Variants in CCDC149 observed in about 807,000 individuals in gnomAD.
CCDC149 encodes the protein coiled-coil domain-containing protein 149.
Under a neutral mutation model 59.9 loss-of-function variants are expected in CCDC149, and 45 were observed. The ratio of observed to expected loss-of-function variants is 0.75; its 90% CI spans 0.59 to 0.96. The LOEUF (loss-of-function observed/expected upper bound fraction) is 0.96, where lower values mean the gene tolerates loss of function less well. CCDC149 is among the 40% of genes least tolerant of loss of function. The pLI, the probability that CCDC149 is intolerant of heterozygous loss-of-function variation, is 0.00. For synonymous variants in CCDC149, 245 were observed against 260.6 expected (o/e 0.94, Z 0.58); for missense variants, 584 against 664.7 (o/e 0.88, Z 1.33).
At chr4:24,884,286 G>C (rs918409608) in intron 1 of CCDC149, among the ~76,000 whole-genome samples, 16 of 152,174 alleles carry the variant, frequency 1.1e-4, no homozygotes, top group Non-Finnish European at 2.2e-4. Context: ...TGTTACAATT[G>C]CCTAGAGTAT....
chr4:24,934,336 C>G (rs922898823), intron 1 of CCDC149, among the ~76,000 whole-genome samples: 2 of 152,238 alleles, frequency 1.3e-5, no homozygotes, highest in African/African-American at 4.8e-5. Flanking sequence ...CTCCTTCTGT[C>G]TCTTGCCTGC....
In CCDC149 at chr4:24,808,426, G is replaced by T; in HGVS notation, c.1586C>A (p.Pro529Gln). ...GGTGCTCCTCATGCCTCCGCCCTCT[G>T]GGATCCCTTTGCCGTCTTCCGGTGT... Residue 529 changes from proline to glutamine, a missense_variant, in exon 13 of 13, where the codon CCA (proline) becomes CAA (glutamine). Coordinates refer to ENST00000635206, the MANE Select transcript of CCDC149 (RefSeq NM_001330643.2). 1 of 1,459,188 alleles carries T rather than the reference G, an allele frequency of 6.9e-7. No individual in the cohort carries two copies. The allele number at this position is 1,459,188 out of a possible 1,614,324, so 90.4% of individuals were successfully genotyped here.
chr4:24,913,106 G>A (rs1411652996), upstream of CCDC149, among the ~76,000 whole-genome samples: 1 of 150,392 alleles, frequency 6.6e-6, no homozygotes, highest in Non-Finnish European at 1.5e-5. Context: ...GGCCGCAGCC[G>A]AGCCCCGCCG....
At chr4:24,835,721 C>T (rs1290123121) in intron 7 of CCDC149, among the ~76,000 whole-genome samples, 2 of 152,104 alleles carry the variant, frequency 1.3e-5, no homozygotes, top group African/African-American at 2.4e-5. Context: ...GGAAGAACAG[C>T]ACGGAGACTT....
intron 3 of CCDC149, among the ~76,000 whole-genome samples, chr4:24,872,364 G>A (rs537888706): frequency 2.6e-5 from 4 of 152,202 alleles, no homozygotes; most frequent in African/African-American, 4.8e-5. Flanking sequence ...TGCACCCACA[G>A]AATGGCATGC....
At chr4:24,923,331 C>T (rs771255376) in intron 1 of CCDC149, among the ~76,000 whole-genome samples, 23 of 152,162 alleles carry the variant, frequency 1.5e-4, no homozygotes, top group Non-Finnish European at 1.5e-5. Context: ...TGAGTTCCTG[C>T]TATGCCAGGC....
intron 1 of CCDC149, among the ~76,000 whole-genome samples, chr4:24,954,340 C>G (rs1009455677): frequency 3.9e-5 from 6 of 152,200 alleles, no homozygotes; most frequent in Non-Finnish European, 8.8e-5. Context: ...GTTCTGAGGT[C>G]TCAGGGATGG....
rs371892593 is a variant in CCDC149, at chr4:24,848,819, C to T, written c.372+4253G>A. Among the ~76,000 whole-genome samples the T allele has an allele frequency of 7.2e-5, 11 of 152,302 alleles. No individual in the cohort carries two copies. The East Asian group carries it at 1.5e-3, about 21-fold the overall frequency. On this transcript the variant is annotated intron_variant, in intron 4 of 12. Coordinates refer to ENST00000635206, the MANE Select transcript of CCDC149 (RefSeq NM_001330643.2). Reference sequence around the variant, plus strand: ...AATCTGTGCTAGTTTTGCTGCCGCACCTCAAACTACAAAAGCTACAGCCAC... The same window carrying T: ...AATCTGTGCTAGTTTTGCTGCCGCATCTCAAACTACAAAAGCTACAGCCAC...
At chr4:24,852,083 C>T (rs1717694668) in intron 4 of CCDC149, among the ~76,000 whole-genome samples, 1 of 151,596 alleles carries the variant, frequency 6.6e-6, no homozygotes, top group Non-Finnish European at 1.5e-5. Context: ...CAGTATGCAG[C>T]ATCCTCTCTG....
At chr4:24,881,400 C>T (rs1370915691) in intron 1 of CCDC149, among the ~76,000 whole-genome samples, 3 of 152,152 alleles carry the variant, frequency 2.0e-5, no homozygotes, top group Non-Finnish European at 4.4e-5. Context: ...GTGAGAATTG[C>T]TGGGCTTTCT....
chr4:24,878,170 A>G (rs1377501527), intron 1 of CCDC149, among the ~76,000 whole-genome samples: 1 of 151,582 alleles, frequency 6.6e-6, no homozygotes, highest in Admixed American at 6.6e-5. Flanking sequence ...CAAATAAATG[A>G]AAGGGAGAAA....
intron 4 of CCDC149, among the ~76,000 whole-genome samples, chr4:24,844,771 C>CAAAAT (rs567966193): frequency 0.015 from 2,245 of 151,814 alleles, 27 homozygotes; most frequent in South Asian, 0.024. Context: ...GACTCCATCT[C>CAAAAT]AAAATAAAAT....
At chr4:24,803,901 T>G (rs1389389243), downstream of CCDC149, among the ~76,000 whole-genome samples, 1 of 152,216 alleles carries the variant, frequency 6.6e-6, no homozygotes, top group Non-Finnish European at 1.5e-5. This position sits in a 1 kb window ranked among gnomAD's most constrained non-coding sequence, Gnocchi z 4.3. Flanking sequence ...GGTTTTGTTT[T>G]GGGAAGCAAC....
intron 2 of CCDC149, among the ~76,000 whole-genome samples, chr4:24,875,503 A>G (rs1378219976): frequency 6.9e-6 from 1 of 144,138 alleles, no homozygotes; most frequent in Admixed American, 7.0e-5. Flanking sequence ...TTCTCCATGA[A>G]TTTTTTTTTT....
chr4:24,919,839 C>G (rs1324503146), intron 1 of CCDC149, among the ~76,000 whole-genome samples: 1 of 152,142 alleles, frequency 6.6e-6, no homozygotes, highest in Non-Finnish European at 1.5e-5. Flanking sequence ...TGGGTGAGGA[C>G]TTTGTATAAA....
intron 1 of CCDC149, among the ~76,000 whole-genome samples, chr4:24,920,385 C>A (rs13139649): frequency 0.24 from 36,964 of 152,142 alleles, 4,802 homozygotes; most frequent in African/African-American, 0.34. Flanking sequence ...ATGCTGGGCT[C>A]CCTACAACAT....
intron 1 of CCDC149, among the ~76,000 whole-genome samples, chr4:24,910,030 A>C (rs895943783): frequency 6.6e-6 from 1 of 152,338 alleles, no homozygotes. Flanking sequence ...GCTTAAAACA[A>C]CAGGAGTGTA....
intron 1 of CCDC149, among the ~76,000 whole-genome samples, chr4:24,974,421 G>A (rs1344482964): frequency 6.6e-6 from 1 of 152,162 alleles, no homozygotes; most frequent in Non-Finnish European, 1.5e-5. Flanking sequence ...TGGCTCTAGA[G>A]GACAGAGTAA....
chr4:24,910,484 C>T (rs915018496), intron 1 of CCDC149, among the ~76,000 whole-genome samples: 1 of 152,160 alleles, frequency 6.6e-6, no homozygotes, highest in East Asian at 1.9e-4. Flanking sequence ...CAACTCACTA[C>T]AGTAAATTTG....
Sources: gnomAD v4.1 joint callset for allele counts (sites outside exome capture counted in the v4.1 genomes callset) on GRCh38, gnomAD v4.1.1 for gene constraint, Gnocchi (gnomAD v3.1) non-coding constraint, MANE v1.5 for transcripts, NCBI Gene and HGNC (gene_info 2026-07-23, HGNC 2026-07-21) for gene names.